The following RAD51B variants were observed in gnomAD, a reference collection of about 807,000 sequenced individuals.
The protein encoded by RAD51B is DNA repair protein RAD51 homolog 2.
In RAD51B, 38 loss-of-function variants were observed where a neutral mutation model predicts 42.2. That is an observed-to-expected ratio of 0.90 (90% CI 0.70 to 1.18). The LOEUF (loss-of-function observed/expected upper bound fraction) is 1.18. Ranked by LOEUF, RAD51B falls within the 50% of genes most tolerant of loss-of-function variation. The pLI, the probability that RAD51B is intolerant of heterozygous loss-of-function variation, is 0.00. For missense variants in RAD51B, 373 were observed against 400.7 expected (o/e 0.93, Z 0.59); for synonymous variants, 154 against 145.2 (o/e 1.06, Z -0.43).
At chr14:68,008,637 C>A (rs910014576) in intron 7 of RAD51B, among the ~76,000 whole-genome samples, 2 of 151,962 alleles carry the variant, frequency 1.3e-5, no homozygotes, top group Non-Finnish European at 2.9e-5. Context: ...TGCAGTGAGA[C>A]CTTTTCCCAT....
chr14:67,860,551 G>T (rs1435492966), intron 4 of RAD51B, among the ~76,000 whole-genome samples: 1 of 152,068 alleles, frequency 6.6e-6, no homozygotes, highest in East Asian at 1.9e-4. Flanking sequence ...AGGAAAAAAA[G>T]GAATAATACA....
intron 8 of RAD51B, among the ~76,000 whole-genome samples, chr14:68,325,802 A>G (rs2082236940): frequency 6.6e-6 from 1 of 152,066 alleles, no homozygotes; most frequent in Non-Finnish European, 1.5e-5. Flanking sequence ...TACACTCAGT[A>G]TACACAACTG....
At position 67,823,614 on chromosome 14, in the gene RAD51B, T is replaced by A. The variant is rs918511717; in HGVS notation, c.71T>A (p.Ile24Asn). The part of the protein sequence containing the change: ...ELCDRLSRHQ[I>N]LTCQDFLCLS... ...TGTGACCGTCTGAGTAGACATCAGA[T>A]CCTTACCTGTCAGGTAAATTTTATT... is the stretch of plus-strand genomic sequence containing the variant. The change falls in exon 2 of 11, where the codon ATC (isoleucine) becomes AAC (asparagine). Residue 24 changes from isoleucine to asparagine, a missense_variant. Ile to Asn is a moderately radical substitution (Grantham distance 149). Coordinates refer to ENST00000471583, the MANE Select transcript of RAD51B (RefSeq NM_133510.4). 2 of 1,611,410 alleles carry A rather than the reference T, an allele frequency of 1.2e-6. No individual in the cohort carries two copies. Among genetic ancestry groups the A allele is most frequent in the Admixed American group, 3.4e-5 (2 of 59,542 alleles).
chr14:67,871,548 A>G (rs1213395111), intron 5 of RAD51B, among the ~76,000 whole-genome samples: 1 of 152,178 alleles, frequency 6.6e-6, no homozygotes, highest in East Asian at 1.9e-4. Flanking sequence ...AACTATTCCA[A>G]TCAATAGAAA....
intron 9 of RAD51B, among the ~76,000 whole-genome samples, 199 bp from the exon 10 acceptor site, chr14:68,467,973 A>T (rs2074562): frequency 2.0e-5 from 3 of 152,014 alleles, no homozygotes; most frequent in African/African-American, 7.3e-5. Flanking sequence ...TGGAATAAGC[A>T]TACAGCCTTT....
chr14:68,484,701 G>A (rs1055681294), intron 10 of RAD51B, among the ~76,000 whole-genome samples: 1 of 152,048 alleles, frequency 6.6e-6, no homozygotes, highest in Admixed American at 6.5e-5. Context: ...AATTATCTCC[G>A]GTAAAAGGGG....
At position 68,664,382 on chromosome 14, in the gene RAD51B, G is replaced by A. The variant is rs549880893; in HGVS notation, c.*11+13526G>A. 6.0e-5 allele frequency among the ~76,000 whole-genome samples: 9 copies of A among 150,872 alleles called. No individual in the cohort carries two copies. The South Asian group carries it at 1.5e-3, about 25-fold the overall frequency. On this transcript the variant is annotated intron_variant, in intron 11 of 11. Transcript: ENST00000488612. ...GCTTCTCCCCACCACATCCACCCCC[G>A]CCCACAATGATATTCTTACCAAAAT...
Position 68,019,126 on chromosome 14 carries a change from GA to G in RAD51B, c.756+131933del, listed in dbSNP as rs1263937467. The stretch of plus-strand genomic sequence containing the variant: ...ACTGAAACACCCAGTAAACATATAT[GA>G]AAAAAAAAAACACACCAAAACTGAC... On this transcript the variant is annotated intron_variant, in intron 7 of 10. Transcript: ENST00000471583. Among the ~76,000 whole-genome samples, 803 of 145,008 alleles carry G rather than the reference GA, an allele frequency of 5.5e-3. 1 individual carries two copies. The highest frequency in any genetic ancestry group is 0.015 in the African/African-American group (610 of 39,878).
chr14:67,981,624 A>G (rs1327675446), intron 7 of RAD51B, among the ~76,000 whole-genome samples: 1 of 152,258 alleles, frequency 6.6e-6, no homozygotes, highest in Non-Finnish European at 1.5e-5. Flanking sequence ...ACTATTTACA[A>G]TAAAAATGAA....
intron 7 of RAD51B, among the ~76,000 whole-genome samples, chr14:68,048,292 GT>G (rs1043989333): frequency 6.6e-6 from 1 of 152,116 alleles, no homozygotes; most frequent in Non-Finnish European, 1.5e-5. Flanking sequence ...GGGGTTGTTT[GT>G]TTTTTCCTTG....
At chr14:68,595,501 T>G (rs1890954225) in exon 11 of RAD51B, 2 of 1,066,604 alleles carry the variant, frequency 1.9e-6, no homozygotes, top group Non-Finnish European at 2.3e-6. Flanking sequence ...AAATTTGTCC[T>G]TGTGTTTGGA....
At chr14:68,057,089 C>CAA (rs895900959) in intron 7 of RAD51B, among the ~76,000 whole-genome samples, 8 of 91,696 alleles carry the variant, frequency 8.7e-5, no homozygotes, top group Non-Finnish European at 9.3e-5. Context: ...AACTCCGTCT[C>CAA]AAAAAAAAAA....
chr14:68,505,254 G>T (rs1016212735), intron 10 of RAD51B, among the ~76,000 whole-genome samples: 5 of 152,208 alleles, frequency 3.3e-5, no homozygotes, highest in Admixed American at 2.6e-4. Context: ...CCTGTAACCA[G>T]AGAGACTGTT....
At chr14:67,970,241 G>C (rs1358236742) in intron 7 of RAD51B, among the ~76,000 whole-genome samples, 2 of 152,188 alleles carry the variant, frequency 1.3e-5, no homozygotes, top group East Asian at 3.8e-4. Context: ...AATGGTAGCA[G>C]TAGGGTGGTT....
rs1487666104 is a variant in RAD51B, at chr14:67,890,824, A to G, written c.756+3620A>G. 2.6e-5 allele frequency among the ~76,000 whole-genome samples: 4 copies of G among 152,208 alleles called. 1 individual carries two copies. The South Asian group carries it at 6.2e-4, about 24-fold the overall frequency. Reference sequence around the variant, plus strand: ...AATATTTTTCTTTATCTTTTAAAACATAATTTGAATTTTTTTATGCTTGCT... The same window carrying G: ...AATATTTTTCTTTATCTTTTAAAACGTAATTTGAATTTTTTTATGCTTGCT... On this transcript the variant is annotated intron_variant, in intron 7 of 10. Transcript: ENST00000471583.
chr14:68,611,915 C>A (rs1357056367), downstream of RAD51B, among the ~76,000 whole-genome samples: 1 of 151,960 alleles, frequency 6.6e-6, no homozygotes, highest in Admixed American at 6.5e-5. Context: ...GGAATCGGTT[C>A]ATTCACCTGT....
At chr14:68,552,234 G>C (rs546410308) in intron 10 of RAD51B, among the ~76,000 whole-genome samples, 1 of 152,270 alleles carries the variant, frequency 6.6e-6, no homozygotes, top group East Asian at 1.9e-4. Context: ...GGGAGCATTA[G>C]AGTTTGCGTC....
At chr14:67,906,866 A>G (rs2043796642) in intron 7 of RAD51B, among the ~76,000 whole-genome samples, 1 of 151,176 alleles carries the variant, frequency 6.6e-6, no homozygotes, top group Admixed American at 6.6e-5. Context: ...CTGGAGTGCA[A>G]TGGCACCATC....
intron 7 of RAD51B, among the ~76,000 whole-genome samples, chr14:68,015,686 C>T (rs780334109): frequency 1.3e-5 from 2 of 152,098 alleles, no homozygotes; most frequent in Non-Finnish European, 2.9e-5. Flanking sequence ...TCCCATGACA[C>T]GTGGGGATTA....
Sources: allele counts gnomAD v4.1 joint callset (sites outside exome capture counted in the v4.1 genomes callset), GRCh38; gene constraint gnomAD v4.1.1; transcripts MANE v1.5; gene names NCBI Gene and HGNC (gene_info 2026-07-23, HGNC 2026-07-21).